Variants in CMSS1 observed in about 807,000 individuals in gnomAD.
The protein encoded by CMSS1 is protein CMSS1.
Under a neutral mutation model 43.5 loss-of-function variants are expected in CMSS1, and 33 were observed. That is an observed-to-expected ratio of 0.76 (90% CI 0.57 to 1.01). CMSS1 has a LOEUF of 1.01. CMSS1 is among the 50% of genes least tolerant of loss of function. CMSS1 has a pLI of 0.00. For synonymous variants in CMSS1, 115 were observed against 117.2 expected, an observed-to-expected ratio of 0.98 and a Z score of 0.12; for missense variants, 313 against 326.4, an observed-to-expected ratio of 0.96 and a Z score of 0.32.
In CMSS1 at chr3:99,991,896, G is replaced by GTA. The variant is rs1217251406; in HGVS notation, c.65-155068_65-155067dup. Among the ~76,000 whole-genome samples, 79 of 147,596 alleles carry GTA rather than the reference G, an allele frequency of 5.4e-4. 3 individuals carry two copies. Among genetic ancestry groups the GTA allele is most frequent in the Non-Finnish European group, 1.0e-4 (7 of 66,958 alleles). Reference sequence around the variant, plus strand: ...TACACACATATATGTATATATGTGTGTATATATATACATATATAGGTATAT... The same window carrying GTA: ...TACACACATATATGTATATATGTGTGTATATATATATACATATATAGGTATAT... On this transcript the variant is annotated intron_variant, in intron 1 of 9. Coordinates refer to ENST00000421999, the MANE Select transcript of CMSS1 (RefSeq NM_032359.4).
At chr3:100,067,564 G>A (rs1024845271) in intron 1 of CMSS1, among the ~76,000 whole-genome samples, 12 of 152,176 alleles carry the variant, frequency 7.9e-5, no homozygotes, top group African/African-American at 2.2e-4. Context: ...TTGCAGATTT[G>A]ATTCAGATAC....
intron 1 of CMSS1, among the ~76,000 whole-genome samples, chr3:100,084,018 A>G (rs2065969581): frequency 6.6e-6 from 1 of 152,138 alleles, no homozygotes; most frequent in South Asian, 2.1e-4. Flanking sequence ...AATTTGTGTT[A>G]TTTCTTCCTT....
At chr3:100,028,410 C>T (rs1446623381) in intron 1 of CMSS1, among the ~76,000 whole-genome samples, 1 of 152,142 alleles carries the variant, frequency 6.6e-6, no homozygotes, top group Non-Finnish European at 1.5e-5. Flanking sequence ...TTCCAGGCAA[C>T]AGCTGGTGGT....
chr3:100,168,127 T>C (rs953564077), intron 6 of CMSS1, among the ~76,000 whole-genome samples: 4 of 152,150 alleles, frequency 2.6e-5, no homozygotes, highest in Non-Finnish European at 5.9e-5. Context: ...TCTAAGGAGA[T>C]GACAATTTGA....
At chr3:99,993,472 T>C (rs1316287750) in intron 1 of CMSS1, among the ~76,000 whole-genome samples, 1 of 152,132 alleles carries the variant, frequency 6.6e-6, no homozygotes. Flanking sequence ...CTCTTATTTC[T>C]TTCTCTTACC....
intron 1 of CMSS1, among the ~76,000 whole-genome samples, chr3:100,073,812 A>G (rs948510042): frequency 6.6e-6 from 1 of 152,154 alleles, no homozygotes; most frequent in East Asian, 1.9e-4. Flanking sequence ...GGAGGGCTTT[A>G]TTAAGAATCT....
chr3:99,877,021 A>T (rs1705557513), intron 1 of CMSS1, among the ~76,000 whole-genome samples: 1 of 152,238 alleles, frequency 6.6e-6, no homozygotes, highest in Non-Finnish European at 1.5e-5. Flanking sequence ...AAATTAGCCA[A>T]ATGTGATTGA....
chr3:99,848,425 G>C (rs1481585810), intron 1 of CMSS1: 2 of 1,614,200 alleles, frequency 1.2e-6, no homozygotes, highest in Admixed American at 3.3e-5. Context: ...CAGTGGTGCT[G>C]AAGGGCTGGC....
chr3:99,979,323 T>C (rs1232050314), intron 1 of CMSS1, among the ~76,000 whole-genome samples: 1 of 152,192 alleles, frequency 6.6e-6, no homozygotes, highest in Non-Finnish European at 1.5e-5. Context: ...TGGGAAACAC[T>C]AAAAAGATAA....
chr3:99,860,661 A>C (rs1284183994), intron 1 of CMSS1, among the ~76,000 whole-genome samples: 2 of 152,184 alleles, frequency 1.3e-5, no homozygotes, highest in Non-Finnish European at 2.9e-5. Flanking sequence ...GACACTGTCC[A>C]TGCTGCTATG....
chr3:99,867,824 G>A (rs993575285), intron 1 of CMSS1, among the ~76,000 whole-genome samples: 5 of 152,114 alleles, frequency 3.3e-5, no homozygotes, highest in African/African-American at 7.2e-5. Flanking sequence ...ATGGAAAACC[G>A]TAATTGGAAT....
At chr3:100,080,181 G>A (rs1027373891) in intron 1 of CMSS1, among the ~76,000 whole-genome samples, 3 of 151,866 alleles carry the variant, frequency 2.0e-5, no homozygotes, top group Admixed American at 6.6e-5. Context: ...CGGGGATCTC[G>A]CCATATTGCC....
At chr3:99,835,494 C>T (rs904440479) in intron 1 of CMSS1, among the ~76,000 whole-genome samples, 22 of 152,148 alleles carry the variant, frequency 1.4e-4, no homozygotes, top group Non-Finnish European at 2.9e-5. Flanking sequence ...TTGTTGAGCA[C>T]CTACTATGAG....
intron 1 of CMSS1, among the ~76,000 whole-genome samples, chr3:99,887,637 G>A (rs546295786): frequency 2.9e-4 from 44 of 152,126 alleles, no homozygotes; most frequent in Non-Finnish European, 5.4e-4. Context: ...ATGAATCATG[G>A]CATTGTTAGA....
chr3:99,999,233 T>G (rs1709773160), intron 1 of CMSS1, among the ~76,000 whole-genome samples: 1 of 152,214 alleles, frequency 6.6e-6, no homozygotes, highest in Admixed American at 6.5e-5. Flanking sequence ...TTAGAAAGTG[T>G]GATAAGCTCT....
chr3:99,988,185 C>T (rs1709402015), intron 1 of CMSS1, among the ~76,000 whole-genome samples: 1 of 151,488 alleles, frequency 6.6e-6, no homozygotes, highest in Non-Finnish European at 1.5e-5. Context: ...TTTAATCCAA[C>T]CATATATTCT....
At chr3:99,895,966 G>C (rs1002301486) in intron 1 of CMSS1, among the ~76,000 whole-genome samples, 1 of 152,194 alleles carries the variant, frequency 6.6e-6, no homozygotes, top group African/African-American at 2.4e-5. Context: ...TCTTTTTGTA[G>C]AGGAGACATG....
chr3:100,008,241 T>C (rs1710043381), intron 1 of CMSS1, among the ~76,000 whole-genome samples: 1 of 152,136 alleles, frequency 6.6e-6, no homozygotes, highest in Non-Finnish European at 1.5e-5. Flanking sequence ...AGGTAACTAC[T>C]CCACCCCTGC....
chr3:99,939,336 A>G (rs1314447303), intron 1 of CMSS1, among the ~76,000 whole-genome samples: 4 of 152,242 alleles, frequency 2.6e-5, no homozygotes, highest in Non-Finnish European at 5.9e-5. Context: ...TTCTGCCTCC[A>G]GAACTAAAGC....
Sources: gnomAD v4.1 joint callset for allele counts (sites outside exome capture counted in the v4.1 genomes callset) on GRCh38, gnomAD v4.1.1 for gene constraint, MANE v1.5 for transcripts, NCBI Gene and HGNC (gene_info 2026-07-23, HGNC 2026-07-21) for gene names.